UBE2E1: variants seen among roughly 807,000 people sequenced by gnomAD.
UBE2E1 encodes the protein ubiquitin-conjugating enzyme E2 E1.
In UBE2E1, 6 loss-of-function variants were observed where a neutral mutation model predicts 21.4. The ratio of observed to expected loss-of-function variants is 0.28; its 90% CI spans 0.15 to 0.55. UBE2E1 has a LOEUF of 0.55. UBE2E1 is among the 20% of genes least tolerant of loss of function. UBE2E1 has a pLI of 0.93. For missense variants in UBE2E1, 142 were observed against 236.5 expected, an observed-to-expected ratio of 0.60 and a Z score of 2.62; for synonymous variants, 87 against 82.7, an observed-to-expected ratio of 1.05 and a Z score of -0.28.
intron 3 of UBE2E1, among the ~76,000 whole-genome samples, chr3:23,821,765 C>T (rs1044470233): frequency 2.0e-5 from 3 of 152,008 alleles, no homozygotes; most frequent in African/African-American, 4.8e-5. Context: ...CCGTAGGGCG[C>T]GTGTGTGGTG....
chr3:23,820,828 A>G (rs570047917), intron 3 of UBE2E1, among the ~76,000 whole-genome samples: 1 of 152,218 alleles, frequency 6.6e-6, no homozygotes, highest in Non-Finnish European at 1.5e-5. Context: ...TACATTGGCC[A>G]TTTGTATTTA....
At chr3:23,869,419 C>CTCTG (rs1553639718) in intron 3 of UBE2E1, among the ~76,000 whole-genome samples, 15 of 132,528 alleles carry the variant, frequency 1.1e-4, no homozygotes, top group Non-Finnish European at 6.2e-5. Context: ...TGGTCTTTTC[C>CTCTG]TGTGTGTGTG....
At chr3:23,889,918 A>G in intron 5 of UBE2E1, 4 of 157,508 alleles carry the variant, frequency 2.5e-5, no homozygotes, top group Non-Finnish European at 4.1e-5. Context: ...ATATACACAT[A>G]TGTATATATA....
intron 3 of UBE2E1, among the ~76,000 whole-genome samples, chr3:23,857,886 G>C (rs73034778): frequency 6.6e-6 from 1 of 151,974 alleles, no homozygotes; most frequent in African/African-American, 2.4e-5. Flanking sequence ...GTCTCGCTCC[G>C]TTGCCCAGGC....
intron 3 of UBE2E1, among the ~76,000 whole-genome samples, chr3:23,827,290 T>C (rs968638302): frequency 1.3e-5 from 2 of 152,236 alleles, no homozygotes; most frequent in African/African-American, 4.8e-5. Context: ...TTCTGGGTGT[T>C]CATTCACTTT....
intron 3 of UBE2E1, among the ~76,000 whole-genome samples, chr3:23,885,616 T>G (rs1309808117): frequency 6.6e-6 from 1 of 152,192 alleles, no homozygotes; most frequent in Non-Finnish European, 1.5e-5. Flanking sequence ...ATCCCAGCAC[T>G]CTGGGAGGCC....
chr3:23,890,190 C>CCGTT, intron 5 of UBE2E1, among the ~76,000 whole-genome samples: 1 of 152,260 alleles, frequency 6.6e-6, no homozygotes, highest in Middle Eastern at 3.4e-3. Context: ...GAAGCCTTGA[C>CCGTT]CGTTCCAGTC....
intron 3 of UBE2E1, among the ~76,000 whole-genome samples, chr3:23,852,149 C>T (rs1057246958): frequency 1.3e-5 from 2 of 152,160 alleles, no homozygotes; most frequent in African/African-American, 4.8e-5. Context: ...TCTTGTACAA[C>T]CTGGAGAACC....
intron 3 of UBE2E1, among the ~76,000 whole-genome samples, chr3:23,856,943 C>T (rs7619342): frequency 0.53 from 78,559 of 148,866 alleles, 20,868 homozygotes; most frequent in Middle Eastern, 0.62. Context: ...TTTGAGGTTG[C>T]AGTGCGCTGT....
At chr3:23,828,825 T>C (rs1167283281) in intron 3 of UBE2E1, among the ~76,000 whole-genome samples, 1 of 152,246 alleles carries the variant, frequency 6.6e-6, no homozygotes, top group East Asian at 1.9e-4. Context: ...TTATGTGATT[T>C]CAGTGTTTTC....
In UBE2E1 at chr3:23,836,748, T is replaced by A. The variant is rs1419084508; in HGVS notation, c.203+25238T>A. ...CTTCTGATTCTTAACCATTGTACAC[T>A]CTCTACCGTGTCCCTCAGGGGCATG... On this transcript the variant is annotated intron_variant, in intron 3 of 5. Coordinates refer to ENST00000306627, the MANE Select transcript of UBE2E1 (RefSeq NM_003341.5). This position sits in a 1 kb window ranked among gnomAD's most constrained non-coding sequence, Gnocchi z 4.1. Among the ~76,000 whole-genome samples, 3 of 152,130 alleles carry A rather than the reference T, an allele frequency of 2.0e-5. No homozygotes were observed. Among genetic ancestry groups the A allele is most frequent in the Non-Finnish European group, 4.4e-5 (3 of 68,004 alleles).
chr3:23,813,794 G>A (rs991398160), intron 3 of UBE2E1, among the ~76,000 whole-genome samples: 6 of 152,196 alleles, frequency 3.9e-5, no homozygotes, highest in African/African-American at 9.7e-5. Flanking sequence ...GCCCGCCTTG[G>A]CCTCCCAAAG....
chr3:23,819,201 T>C (rs1000107442), intron 3 of UBE2E1, among the ~76,000 whole-genome samples: 30 of 152,206 alleles, frequency 2.0e-4, no homozygotes, highest in Admixed American at 2.0e-3. Context: ...GGAGAATCGC[T>C]TGAACCCGGG....
intron 3 of UBE2E1, among the ~76,000 whole-genome samples, chr3:23,880,121 G>A (rs1017943100): frequency 3.9e-5 from 6 of 152,274 alleles, no homozygotes; most frequent in Admixed American, 6.5e-5. Context: ...AGTGGCTCAC[G>A]CCTGTAATCC....
At chr3:23,879,996 C>G (rs1431906477) in intron 3 of UBE2E1, among the ~76,000 whole-genome samples, 1 of 152,174 alleles carries the variant, frequency 6.6e-6, no homozygotes, top group East Asian at 1.9e-4. Flanking sequence ...CTGTGAATCT[C>G]AGCACTTTGG....
At chr3:23,854,671 G>C (rs918711795) in intron 3 of UBE2E1, among the ~76,000 whole-genome samples, 1 of 152,180 alleles carries the variant, frequency 6.6e-6, no homozygotes, top group Non-Finnish European at 1.5e-5. Flanking sequence ...AATACATTAG[G>C]CTCTGTCTTA....
rs918022311 is a variant in UBE2E1, at chr3:23,853,912, C to CT, written c.204-33648dup. The stretch of plus-strand genomic sequence containing the variant: ...TTTTATCCACATGGTTCAAGTGGGT[C>CT]TTTTTTTACCCTCCAGTGGTGATAG... On this transcript the variant is annotated intron_variant, in intron 3 of 5. Transcript: ENST00000306627. This position sits in a 1 kb window ranked among gnomAD's most constrained non-coding sequence, Gnocchi z 4.1. Among the ~76,000 whole-genome samples, 3 of 152,104 alleles carry CT rather than the reference C, an allele frequency of 2.0e-5. No homozygotes were observed. Among genetic ancestry groups the CT allele is most frequent in the African/African-American group, 7.2e-5 (3 of 41,402 alleles).
At chr3:23,837,729 A>T (rs370534013) in intron 3 of UBE2E1, among the ~76,000 whole-genome samples, 2 of 152,232 alleles carry the variant, frequency 1.3e-5, no homozygotes, top group South Asian at 4.1e-4. Flanking sequence ...GGACTAGCCT[A>T]CACCTGGTTT....
chr3:23,883,153 A>G (rs1701094739), intron 3 of UBE2E1, among the ~76,000 whole-genome samples: 1 of 152,186 alleles, frequency 6.6e-6, no homozygotes, highest in Non-Finnish European at 1.5e-5. Flanking sequence ...TCCATACTCT[A>G]ATCATTTGGA....
Sources: gnomAD v4.1 joint callset for allele counts (sites outside exome capture counted in the v4.1 genomes callset) on GRCh38, gnomAD v4.1.1 for gene constraint, Gnocchi (gnomAD v3.1) non-coding constraint, MANE v1.5 for transcripts, NCBI Gene and HGNC (gene_info 2026-07-23, HGNC 2026-07-21) for gene names.